FBXL4: variants seen among roughly 807,000 people sequenced by gnomAD.
FBXL4 encodes F-box/LRR-repeat protein 4.
A neutral mutation model predicts 58.9 loss-of-function variants in FBXL4; 40 were observed. That is an observed-to-expected ratio of 0.68 (90% CI 0.53 to 0.88). The LOEUF (loss-of-function observed/expected upper bound fraction) is 0.88, where lower values mean the gene tolerates loss of function less well. Ranked by LOEUF, FBXL4 falls within the 40% of genes least tolerant of loss-of-function variation. The pLI is 0.00. For missense variants in FBXL4, 676 were observed against 734.4 expected (o/e 0.92, Z 0.92); for synonymous variants, 263 against 265.5 (o/e 0.99, Z 0.09).
Position 98,869,081 on chromosome 6 carries a change from A to G in FBXL4, c.*5197T>C, listed in dbSNP as rs1449825639. 2 of 152,206 alleles carry G rather than the reference A, an allele frequency of 1.3e-5. No individual in the cohort carries two copies. Among genetic ancestry groups the G allele is most frequent in the Non-Finnish European group, 2.9e-5 (2 of 68,034 alleles). The allele number at this position is 152,206 out of a possible 1,614,324, so 9.4% of individuals were successfully genotyped here. A position where few individuals can be genotyped will look rare whatever the true frequency, so the allele number is the denominator to read the frequency against. ...ATGATTCTAACAGTTATGGTTTTAC[A>G]CTCACAGCCTAGGTTTCTAGTAGTA... On this transcript the variant is annotated 3_prime_UTR_variant, in exon 10 of 10. Coordinates refer to ENST00000369244, the MANE Select transcript of FBXL4 (RefSeq NM_001278716.2).
intron 7 of FBXL4, among the ~76,000 whole-genome samples, chr6:98,890,057 C>G (rs1173925803): frequency 6.6e-6 from 1 of 152,116 alleles, no homozygotes; most frequent in Non-Finnish European, 1.5e-5. Flanking sequence ...TTATAATATA[C>G]TGAGACCTTG....
chr6:98,909,721 T>G (rs1023070136), intron 5 of FBXL4, among the ~76,000 whole-genome samples: 1 of 152,124 alleles, frequency 6.6e-6, no homozygotes, highest in African/African-American at 2.4e-5. Context: ...ACTGTCAGTA[T>G]CTCATGCTCC....
chr6:98,879,896 T>C (rs150871045), intron 8 of FBXL4, among the ~76,000 whole-genome samples: 392 of 133,286 alleles, frequency 2.9e-3, no homozygotes, highest in African/African-American at 0.01. Flanking sequence ...TGAGTCAAGA[T>C]CGCGCCGCTG....
chr6:98,941,201 C>T (rs1299154848), intron 1 of FBXL4, among the ~76,000 whole-genome samples: 2 of 151,318 alleles, frequency 1.3e-5, no homozygotes, highest in Non-Finnish European at 2.9e-5. Flanking sequence ...TACAGTGTTA[C>T]ATCCATACAA....
At chr6:98,879,934 C>T (rs1466461595) in intron 8 of FBXL4, among the ~76,000 whole-genome samples, 1 of 117,814 alleles carries the variant, frequency 8.5e-6, no homozygotes, top group East Asian at 2.3e-4. Context: ...CAGAGCAAGA[C>T]TCCATCTCAA....
intron 4 of FBXL4, among the ~76,000 whole-genome samples, chr6:98,920,934 C>A (rs1582430808): frequency 1.3e-5 from 2 of 151,942 alleles, no homozygotes; most frequent in East Asian, 3.9e-4. Context: ...TAAGTCATGG[C>A]TTTTGTAATA....
chr6:98,933,370 A>T (rs1461180107), intron 2 of FBXL4, among the ~76,000 whole-genome samples: 1 of 152,144 alleles, frequency 6.6e-6, no homozygotes, highest in Non-Finnish European at 1.5e-5. Context: ...ATTCTATCTA[A>T]CTTTGAGCCC....
chr6:98,912,284 T>G (rs1430293202), intron 5 of FBXL4, among the ~76,000 whole-genome samples: 2 of 152,168 alleles, frequency 1.3e-5, no homozygotes, highest in African/African-American at 4.8e-5. Flanking sequence ...TTCCCCAATC[T>G]AGCAAGGCAG....
At chr6:98,891,650 T>A (rs543972880) in intron 7 of FBXL4, among the ~76,000 whole-genome samples, 1 of 148,262 alleles carries the variant, frequency 6.7e-6, no homozygotes, top group Non-Finnish European at 1.5e-5. Flanking sequence ...ACTTGAAGGC[T>A]GAGGCAGGAG....
At chr6:98,928,859 C>A (rs1772892440) in intron 2 of FBXL4, among the ~76,000 whole-genome samples, 1 of 152,188 alleles carries the variant, frequency 6.6e-6, no homozygotes, top group Non-Finnish European at 1.5e-5. Context: ...AACCACTCTT[C>A]GTATTTTACG....
intron 5 of FBXL4, 128 bp downstream of exon 5, chr6:98,917,246 T>C (rs1772393893): frequency 3.3e-6 from 2 of 606,122 alleles, no homozygotes; most frequent in Non-Finnish European, 5.1e-6. Flanking sequence ...AAAATCAAAA[T>C]ATACAACACA....
intron 8 of FBXL4, among the ~76,000 whole-genome samples, chr6:98,877,282 CTG>C (rs1456295087): frequency 2.0e-5 from 3 of 152,022 alleles, no homozygotes; most frequent in Non-Finnish European, 4.4e-5. Flanking sequence ...CAATACAAAA[CTG>C]TGGGTTTGAT....
At chr6:98,947,628 AGCGGAGGCGCGGGGGC>A (rs1326763459) in intron 1 of FBXL4, among the ~76,000 whole-genome samples, 162 bp downstream of exon 1, 1 of 152,106 alleles carries the variant, frequency 6.6e-6, no homozygotes, top group African/African-American at 2.4e-5. Flanking sequence ...GCAAGCGTGA[AGCGGAGGCGCGGGGGC>A]GCGGGGCCGC....
chr6:98,905,323 G>A lies in FBXL4; in HGVS notation c.1103+103C>T, dbSNP rs908867366. 9 of 1,291,406 alleles carry A rather than the reference G, an allele frequency of 7.0e-6. No homozygotes were observed. In the African/African-American group the frequency reaches 1.2e-4, roughly 17 times the overall value. 80.0% of individuals were successfully genotyped at this position (1,291,406 alleles called of 1,614,324 possible). On this transcript the variant is annotated intron_variant, in intron 6 of 9. Transcript: ENST00000369244. ...ATATATTTCCTTTTTATTTTTGTAAGTACATGTTACATAATTTCAAACTTT... is the reference window on the plus strand; with the variant it reads ...ATATATTTCCTTTTTATTTTTGTAAATACATGTTACATAATTTCAAACTTT...
At chr6:98,915,760 G>C (rs529350956) in intron 5 of FBXL4, among the ~76,000 whole-genome samples, 23 of 152,224 alleles carry the variant, frequency 1.5e-4, no homozygotes, top group Admixed American at 1.5e-3. Flanking sequence ...ATAGACATGG[G>C]AAAGGACTTC....
chr6:98,899,242 T>C (rs1771513743), intron 7 of FBXL4, 26 bp downstream of exon 7: 1 of 1,608,854 alleles, frequency 6.2e-7, no homozygotes, highest in Non-Finnish European at 8.5e-7. Context: ...ATAATAGCAA[T>C]GATGAAAATT....
At chr6:98,881,434 T>A (rs893829415) in intron 7 of FBXL4, among the ~76,000 whole-genome samples, 2 of 152,018 alleles carry the variant, frequency 1.3e-5, no homozygotes, top group African/African-American at 4.8e-5. Context: ...CTATTCAAAC[T>A]TACATGGCAA....
chr6:98,874,947 AAGATTTTCAAT>A (rs1055026649), intron 9 of FBXL4, among the ~76,000 whole-genome samples: 5 of 152,230 alleles, frequency 3.3e-5, no homozygotes, highest in African/African-American at 1.2e-4. Context: ...AGAGCTGGAA[AAGATTTTCAAT>A]AGATCTGCCT....
At chr6:98,927,647 G>A (rs1330906492) in intron 3 of FBXL4, 58 bp downstream of exon 3, 1 of 152,160 alleles carries the variant, frequency 6.6e-6, no homozygotes, top group Non-Finnish European at 1.5e-5. Flanking sequence ...ATTTGTTAGG[G>A]CAGTCCATGG....
Sources: allele counts gnomAD v4.1 joint callset (sites outside exome capture counted in the v4.1 genomes callset), GRCh38; gene constraint gnomAD v4.1.1; transcripts MANE v1.5; gene names NCBI Gene and HGNC (gene_info 2026-07-23, HGNC 2026-07-21).